Variants in TTLL6 observed in about 807,000 individuals in gnomAD.
TTLL6 encodes tubulin tyrosine ligase like 6.
A neutral mutation model predicts 96.4 loss-of-function variants in TTLL6; 75 were observed. The observed-to-expected ratio is 0.78, with a 90% CI of 0.65 to 0.94. The LOEUF is 0.94. TTLL6 is among the 40% of genes least tolerant of loss of function. TTLL6 has a pLI of 0.00. For missense variants in TTLL6, 1,030 were observed against 1,093.0 expected (o/e 0.94, Z 0.81); for synonymous variants, 411 against 419.4 (o/e 0.98, Z 0.24).
chr17:48,813,038 G>A (rs2039617110), intron 1 of TTLL6, among the ~76,000 whole-genome samples: 1 of 152,050 alleles, frequency 6.6e-6, no homozygotes, highest in Non-Finnish European at 1.5e-5. Flanking sequence ...ACCTATCATG[G>A]ATACTCTTTC....
chr17:48,802,186 A>G (rs1018060501), intron 3 of TTLL6, among the ~76,000 whole-genome samples: 1 of 152,180 alleles, frequency 6.6e-6, no homozygotes, highest in African/African-American at 2.4e-5. Flanking sequence ...AAACTACTGA[A>G]GAATCCAGCC....
Position 48,769,881 on chromosome 17 carries a change from A to G in TTLL6, c.2257T>C (p.Trp753Arg). 3 of 1,614,216 alleles carry G rather than the reference A, an allele frequency of 1.9e-6. No individual in the cohort carries two copies. The highest frequency in any genetic ancestry group is 2.5e-6 in the Non-Finnish European group (3 of 1,180,040). The change falls in exon 14 of 16, where the codon TGG becomes CGG. Residue 753 changes from tryptophan (W) to arginine (R), a missense_variant. Coordinates refer to ENST00000393382, the MANE Select transcript of TTLL6 (RefSeq NM_001130918.3). Reference sequence around the variant, plus strand: ...GTCCAGTTTGTGTTCGGACTCTCCCAGAAGCTCTTGGATTTTGTGGGCAGA... The same window carrying G: ...GTCCAGTTTGTGTTCGGACTCTCCCGGAAGCTCTTGGATTTTGTGGGCAGA... ...SFLPTKSKSF[W>R]ESPNTNWTLL...
At chr17:48,786,419 T>G in intron 11 of TTLL6, 84 bp from the exon 12 acceptor site, 3 of 1,560,408 alleles carry the variant, frequency 1.9e-6, no homozygotes, top group Non-Finnish European at 8.8e-7. Context: ...TGGACATGAC[T>G]GGGCGAAAAG....
chr17:48,802,564 A>C (rs1004481044), intron 3 of TTLL6, among the ~76,000 whole-genome samples: 12 of 152,182 alleles, frequency 7.9e-5, no homozygotes, highest in Admixed American at 2.6e-4. Flanking sequence ...TAAAGCATTC[A>C]ATTCTAATTT....
intron 1 of TTLL6, among the ~76,000 whole-genome samples, chr17:48,809,921 T>C (rs979694098): frequency 2.0e-5 from 3 of 151,810 alleles, no homozygotes; most frequent in Non-Finnish European, 4.4e-5. Context: ...AGGCCTCAAC[T>C]GAGGTCGGGA....
rs753099799 is a variant in TTLL6 at position 48,790,115 on chromosome 17, G to C, written c.1225-9C>G. On this transcript the variant is annotated splice_polypyrimidine_tract_variant and intron_variant, in intron 9 of 15. Coordinates refer to ENST00000393382, the MANE Select transcript of TTLL6 (RefSeq NM_001130918.3). ...CTTGGAGAGTGGTTGACCTGTGAGGGCAAGATTGGCAGCTGGTGACAAAGC... is the reference window on the plus strand; with the variant it reads ...CTTGGAGAGTGGTTGACCTGTGAGGCCAAGATTGGCAGCTGGTGACAAAGC... 14 of 1,611,970 alleles carry C rather than the reference G, an allele frequency of 8.7e-6. No homozygotes were observed. In the South Asian group the frequency reaches 1.5e-4, roughly 18 times the overall value.
chr17:48,796,632 A>G (rs1044658818), intron 7 of TTLL6, among the ~76,000 whole-genome samples: 7 of 151,618 alleles, frequency 4.6e-5, no homozygotes, highest in African/African-American at 1.7e-4. Flanking sequence ...AAAAAAAAAA[A>G]GAAACTCCAG....
At chr17:48,793,525 G>C (rs952614187) in intron 8 of TTLL6, among the ~76,000 whole-genome samples, 1 of 151,470 alleles carries the variant, frequency 6.6e-6, no homozygotes, top group African/African-American at 2.4e-5. Context: ...TCCGGGAGTC[G>C]AAACTTTTGC....
At chr17:48,772,176 GAA>G (rs2038761244) in intron 13 of TTLL6, among the ~76,000 whole-genome samples, 1 of 151,972 alleles carries the variant, frequency 6.6e-6, no homozygotes, top group African/African-American at 2.4e-5. Flanking sequence ...ACACTCGAGA[GAA>G]AAAAGTAGTC....
rs537420833 is a variant in TTLL6, at chr17:48,763,851, G to C, written c.*1-878C>G. Among the ~76,000 whole-genome samples the C allele has an allele frequency of 2.6e-5, 4 of 152,000 alleles. No individual in the cohort carries two copies. The East Asian group carries it at 7.7e-4, about 29-fold the overall frequency. On this transcript the variant is annotated intron_variant, in intron 15 of 15. Transcript: ENST00000393382. ...ACAAAAAAACAGAAAGAAAAAGTTA[G>C]CTAGCGGGAGGCTGAGGCAGGAGAA...
At chr17:48,786,026 C>G in intron 12 of TTLL6, 138 bp downstream of exon 12, 2 of 1,306,328 alleles carry the variant, frequency 1.5e-6, no homozygotes, top group Non-Finnish European at 2.1e-6. Context: ...CCCCGCACCG[C>G]CCCGTCGTTG....
At position 48,804,866 on chromosome 17, in the gene TTLL6, T is replaced by C. The variant is rs1275670254; in HGVS notation, c.229A>G (p.Thr77Ala). The change falls in exon 2 of 16, where the codon ACC (threonine) becomes GCC (alanine). Residue 77 changes from threonine to alanine, a missense_variant. By Grantham distance (58) the Thr-to-Ala change is moderately conservative. Coordinates refer to ENST00000393382, the MANE Select transcript of TTLL6 (RefSeq NM_001130918.3). ...TCTCTCACAAAAGCCAGCGCGACGG[T>C]TTCTTTTGGATCTTCTTTGGAACTG... Reference protein sequence around the residue: ...GDSSKEDPKETVALAFVRENP... With the variant: ...GDSSKEDPKEAVALAFVRENP... 1 of 1,552,194 alleles carries C rather than the reference T, an allele frequency of 6.4e-7. No homozygotes were observed. Among genetic ancestry groups the C allele is most frequent in the Non-Finnish European group, 8.7e-7 (1 of 1,147,132 alleles).
At chr17:48,791,811 C>G (rs955235056) in intron 8 of TTLL6, among the ~76,000 whole-genome samples, 4 of 152,198 alleles carry the variant, frequency 2.6e-5, no homozygotes, top group Non-Finnish European at 5.9e-5. Flanking sequence ...GTCTCCAGAG[C>G]CCCAGGGTGG....
chr17:48,775,001 C>T (rs182218017), intron 13 of TTLL6, among the ~76,000 whole-genome samples: 6 of 151,786 alleles, frequency 4.0e-5, no homozygotes, highest in East Asian at 3.9e-4. Flanking sequence ...GGCATAGTGG[C>T]GGGTACCTGT....
intron 13 of TTLL6, among the ~76,000 whole-genome samples, chr17:48,784,131 A>G (rs941918679): frequency 6.6e-6 from 1 of 152,200 alleles, no homozygotes; most frequent in Non-Finnish European, 1.5e-5. Context: ...ATGTAAAGAT[A>G]CACAGGGGAA....
In TTLL6 at chr17:48,785,198, T is replaced by A. The variant is rs1431220636; in HGVS notation, c.1765A>T (p.Ile589Phe). The change falls in exon 13 of 16, where the codon ATC becomes TTC. Residue 589 changes from isoleucine (I) to phenylalanine (F), a missense_variant. Physicochemically the swap from Ile to Phe is conservative, Grantham distance 21. Transcript: ENST00000393382. ...KAATQASKQY[I>F]QPLTLVSYTP... ...TAGGATACTAATGTCAATGGCTGGA[T>A]GTACTGAGGGAGGAAGAAACCACAA... 6.2e-7 allele frequency: 1 copy of A among 1,614,084 alleles called. No homozygotes were observed. Among genetic ancestry groups the A allele is most frequent in the Admixed American group, 1.7e-5 (1 of 60,010 alleles).
intron 13 of TTLL6, among the ~76,000 whole-genome samples, chr17:48,783,992 C>A (rs1456533627): frequency 6.6e-6 from 1 of 152,112 alleles, no homozygotes; most frequent in Non-Finnish European, 1.5e-5. Context: ...TTGGATAGAA[C>A]CTCTCAGAAT....
At chr17:48,768,397 A>G (rs778713334) in intron 15 of TTLL6, among the ~76,000 whole-genome samples, 13 of 152,176 alleles carry the variant, frequency 8.5e-5, no homozygotes, top group Non-Finnish European at 1.8e-4. Flanking sequence ...CAGCCTCCCG[A>G]GTGGCTGGGA....
rs1258049946 is a variant in TTLL6, at chr17:48,799,627, T to TG, written c.744_745insC (p.Ile249HisfsTer13). On this transcript the variant is annotated frameshift_variant, in exon 6 of 16. Coordinates refer to ENST00000393382, the MANE Select transcript of TTLL6 (RefSeq NM_001130918.3). LOFTEE classifies it high-confidence loss of function. ...ACCTTTGAAATATACAGCTGACAGA[T>TG]CATATCCTCCCCTGGTTTGATTTCT... 1.7e-5 allele frequency: 27 copies of TG among 1,551,840 alleles called. No homozygotes were observed. In the Admixed American group the frequency reaches 5.3e-4, roughly 30 times the overall value.
Sources: allele counts gnomAD v4.1 joint callset (sites outside exome capture counted in the v4.1 genomes callset), GRCh38; gene constraint gnomAD v4.1.1; transcripts MANE v1.5; gene names NCBI Gene and HGNC (gene_info 2026-07-23, HGNC 2026-07-21).